Variants in SLC38A6 observed in about 807,000 individuals in gnomAD.
SLC38A6 encodes N system amino acid transporter NAT-1.
In SLC38A6, 73 loss-of-function variants were observed where a neutral mutation model predicts 65.0. The ratio of observed to expected loss-of-function variants is 1.12; its 90% CI spans 0.93 to 1.37. SLC38A6 has a LOEUF of 1.37. SLC38A6 is among the 40% of genes most tolerant of loss of function. The pLI is 0.00. For synonymous variants in SLC38A6, 183 were observed against 178.8 expected, an observed-to-expected ratio of 1.02 and a Z score of -0.19; for missense variants, 561 against 531.1, an observed-to-expected ratio of 1.06 and a Z score of -0.55.
At chr14:61,079,068 A>G in intron 16 of SLC38A6, 1 of 148,854 alleles carries the variant, frequency 6.7e-6, no homozygotes, top group Non-Finnish European at 1.5e-5. Context: ...TACAGGCGTG[A>G]GCCACCGAGC....
intron 16 of SLC38A6, among the ~76,000 whole-genome samples, chr14:61,081,371 A>T (rs1296165841): frequency 8.8e-6 from 1 of 113,990 alleles, no homozygotes; most frequent in Non-Finnish European, 2.1e-5. Context: ...TAGAAATCCC[A>T]GACCCATCTT....
intron 5 of SLC38A6, among the ~76,000 whole-genome samples, chr14:61,020,464 C>T (rs1443369140): frequency 1.3e-5 from 2 of 152,058 alleles, no homozygotes; most frequent in African/African-American, 2.4e-5. Context: ...GAGGTCTGAG[C>T]TATATCACTT....
chr14:61,069,104 A>G (rs1465143), intron 15 of SLC38A6, among the ~76,000 whole-genome samples: 2 of 152,198 alleles, frequency 1.3e-5, no homozygotes, highest in African/African-American at 4.8e-5. Context: ...ACCCCAACCA[A>G]TTAAATCCAA....
chr14:61,030,304 TATCTTTGGTATA>T, intron 5 of SLC38A6, 129 bp from the exon 6 acceptor site: 3 of 553,216 alleles, frequency 5.4e-6, no homozygotes, highest in South Asian at 2.4e-5. Flanking sequence ...TGTGTGTATG[TATCTTTGGTATA>T]GTGTGTTATA....
intron 3 of SLC38A6, among the ~76,000 whole-genome samples, chr14:60,993,336 T>G (rs1203729879): frequency 6.6e-6 from 1 of 152,174 alleles, no homozygotes; most frequent in African/African-American, 2.4e-5. Context: ...AATATTCGAT[T>G]TAGGCAAGCT....
At chr14:61,070,959 T>A (rs925607054) in intron 15 of SLC38A6, among the ~76,000 whole-genome samples, 1 of 152,214 alleles carries the variant, frequency 6.6e-6, no homozygotes, top group Non-Finnish European at 1.5e-5. Context: ...TTATCAGATA[T>A]GCGGTTTGCA....
chr14:60,996,300 A>T (rs1400879402), intron 3 of SLC38A6, among the ~76,000 whole-genome samples: 6 of 152,170 alleles, frequency 3.9e-5, no homozygotes, highest in African/African-American at 1.4e-4. Context: ...ATAACTTTAG[A>T]GAACTAAAAG....
chr14:61,005,792 A>G (rs942110033), intron 3 of SLC38A6, among the ~76,000 whole-genome samples: 2 of 152,202 alleles, frequency 1.3e-5, no homozygotes, highest in Non-Finnish European at 2.9e-5. Context: ...CATCCCCATC[A>G]AGCTACCAAT....
chr14:61,030,295 GTGTGTA>G (rs1295243989), intron 5 of SLC38A6, 144 bp from the exon 6 acceptor site: 12 of 517,752 alleles, frequency 2.3e-5, no homozygotes, highest in African/African-American at 8.1e-5. Flanking sequence ...GTGTGTGTGT[GTGTGTA>G]TGTATCTTTG....
chr14:61,025,524 GGA>G (rs1174650307), intron 5 of SLC38A6, among the ~76,000 whole-genome samples: 1 of 152,026 alleles, frequency 6.6e-6, no homozygotes, highest in African/African-American at 2.4e-5. Context: ...CAGGAAATTT[GGA>G]GAGTCTTTTT....
At chr14:60,990,481 C>G (rs918031534) in intron 3 of SLC38A6, among the ~76,000 whole-genome samples, 5 of 151,180 alleles carry the variant, frequency 3.3e-5, no homozygotes, top group Non-Finnish European at 7.4e-5. Flanking sequence ...CATCTTTATA[C>G]TACCAATCTA....
At chr14:61,013,657 T>C (rs1177366253) in intron 3 of SLC38A6, among the ~76,000 whole-genome samples, 1 of 152,232 alleles carries the variant, frequency 6.6e-6, no homozygotes, top group African/African-American at 2.4e-5. Context: ...TTAGTTTGGC[T>C]GGATATTAAA....
At chr14:61,054,864 C>T (rs1843715056), downstream of SLC38A6, among the ~76,000 whole-genome samples, 1 of 152,052 alleles carries the variant, frequency 6.6e-6, no homozygotes, top group Non-Finnish European at 1.5e-5. Flanking sequence ...TTTCTCTTGC[C>T]TGACTGCTCT....
intron 15 of SLC38A6, among the ~76,000 whole-genome samples, chr14:61,074,161 G>A (rs1004979550): frequency 1.3e-4 from 20 of 152,082 alleles, no homozygotes; most frequent in African/African-American, 4.3e-4. Flanking sequence ...TGGTGGGTGG[G>A]CACCTCTGAC....
At chr14:60,986,216 T>G (rs2037439379) in intron 3 of SLC38A6, among the ~76,000 whole-genome samples, 1 of 152,232 alleles carries the variant, frequency 6.6e-6, no homozygotes, top group South Asian at 2.1e-4. Flanking sequence ...TAGTTTGTTT[T>G]CCTAAAACCT....
intron 8 of SLC38A6, among the ~76,000 whole-genome samples, chr14:61,041,551 T>A (rs1357964369): frequency 6.6e-6 from 1 of 152,230 alleles, no homozygotes; most frequent in Non-Finnish European, 1.5e-5. Context: ...CAGCAAGTCC[T>A]CAGTAAATGA....
At chr14:61,034,255 GA>G (rs1401818004) in intron 6 of SLC38A6, 3 of 152,280 alleles carry the variant, frequency 2.0e-5, no homozygotes, top group Non-Finnish European at 2.9e-5. Context: ...CTGTGCAAGA[GA>G]AAAGAGTCCT....
At chr14:60,997,040 A>G (rs913219918) in intron 3 of SLC38A6, among the ~76,000 whole-genome samples, 20 of 152,352 alleles carry the variant, frequency 1.3e-4, no homozygotes, top group African/African-American at 4.6e-4. Context: ...AATCAGGCAC[A>G]GGAAAGAAGT....
At chr14:61,083,563 A>G in exon 17 of SLC38A6, 1 of 1,550,168 alleles carries the variant, frequency 6.5e-7, no homozygotes, top group South Asian at 1.2e-5. Flanking sequence ...AGGAAGAGAT[A>G]CCATGGAGAT....
Sources: allele counts gnomAD v4.1 joint callset (sites outside exome capture counted in the v4.1 genomes callset), GRCh38; gene constraint gnomAD v4.1.1; transcripts MANE v1.5; gene names NCBI Gene and HGNC (gene_info 2026-07-23, HGNC 2026-07-21).